CD86: variants seen among roughly 807,000 people sequenced by gnomAD.
The protein encoded by CD86 is CD86 molecule, also known as T-lymphocyte activation antigen CD86.
A neutral mutation model predicts 32.1 loss-of-function variants in CD86; 11 were observed. That is an observed-to-expected ratio of 0.34 (90% CI 0.22 to 0.57). The LOEUF is 0.57. Ranked by LOEUF, CD86 falls within the 20% of genes least tolerant of loss-of-function variation. The probability of loss-of-function intolerance (pLI) is 0.86; values close to 1 mark genes in which losing one functional copy is unlikely to be tolerated. For missense variants in CD86, 359 were observed against 398.4 expected (o/e 0.90, Z 0.84); for synonymous variants, 137 against 135.3 (o/e 1.01, Z -0.09).
At chr3:122,061,010 C>T (rs2072325147) in intron 1 of CD86, among the ~76,000 whole-genome samples, 1 of 152,194 alleles carries the variant, frequency 6.6e-6, no homozygotes, top group Admixed American at 6.5e-5. Flanking sequence ...ATTAATCTTT[C>T]TGTAGTGGCA....
chr3:122,075,030 T>C (rs1263046161), intron 1 of CD86, among the ~76,000 whole-genome samples: 1 of 151,580 alleles, frequency 6.6e-6, no homozygotes, highest in Non-Finnish European at 1.5e-5. Context: ...GAATTTTGAT[T>C]GGCTGACTGC....
chr3:122,064,641 A>G (rs529853628), intron 1 of CD86, among the ~76,000 whole-genome samples: 2 of 152,302 alleles, frequency 1.3e-5, no homozygotes, highest in South Asian at 2.1e-4. Context: ...CTTATATTTC[A>G]AGAGGAGCCA....
chr3:122,077,149 C>G (rs1434232916), intron 1 of CD86, among the ~76,000 whole-genome samples: 1 of 152,180 alleles, frequency 6.6e-6, no homozygotes, highest in Non-Finnish European at 1.5e-5. Flanking sequence ...AAATGTCCCC[C>G]ACACTGAGCA....
intron 2 of CD86, among the ~76,000 whole-genome samples, chr3:122,098,468 A>G (rs966627537): frequency 6.6e-6 from 1 of 152,094 alleles, no homozygotes; most frequent in East Asian, 1.9e-4. Context: ...GAGGCCTGAT[A>G]GGTACTGGGG....
At chr3:122,113,002 C>T (rs940064232) in intron 5 of CD86, among the ~76,000 whole-genome samples, 2 of 152,040 alleles carry the variant, frequency 1.3e-5, no homozygotes, top group African/African-American at 4.8e-5. Context: ...ATCTCTCACC[C>T]CTCCCACTCT....
chr3:122,083,924 AT>A (rs1344148579), intron 1 of CD86, among the ~76,000 whole-genome samples: 1 of 152,168 alleles, frequency 6.6e-6, no homozygotes, highest in East Asian at 1.9e-4. Flanking sequence ...TTTCTTTTTA[AT>A]TTCTTTAATG....
chr3:122,058,334 G>A lies in CD86; in HGVS notation c.14+2831G>A, dbSNP rs140903957. 6.2e-4 allele frequency among the ~76,000 whole-genome samples: 95 copies of A among 152,304 alleles called. No homozygotes were observed. In the South Asian group the frequency reaches 0.011, roughly 18 times the overall value. On this transcript the variant is annotated intron_variant, in intron 1 of 6. Coordinates refer to ENST00000330540, the MANE Select transcript of CD86 (RefSeq NM_175862.5). Reference sequence around the variant, plus strand: ...ACAAGCAGTACCCAGGACAAGGCCAGCCTCCAGGGAGTGACTGATGACAGT... The same window carrying A: ...ACAAGCAGTACCCAGGACAAGGCCAACCTCCAGGGAGTGACTGATGACAGT...
intron 1 of CD86, 111 bp downstream of exon 1, chr3:122,055,614 G>A: frequency 3.1e-6 from 3 of 973,078 alleles, no homozygotes; most frequent in East Asian, 2.4e-5. Context: ...TTCCTAAGTG[G>A]AGAAGCTTTC....
chr3:122,081,815 C>G (rs1362869940), intron 1 of CD86, among the ~76,000 whole-genome samples: 1 of 152,180 alleles, frequency 6.6e-6, no homozygotes, highest in South Asian at 2.1e-4. Context: ...CCTGTCAAAG[C>G]TCAGCTCAAC....
intron 1 of CD86, among the ~76,000 whole-genome samples, chr3:122,075,068 A>G (rs755158896): frequency 3.9e-5 from 6 of 151,936 alleles, no homozygotes; most frequent in Non-Finnish European, 7.4e-5. Context: ...AAGATGGGGC[A>G]AGGGGGTTGC....
At chr3:122,082,097 C>T (rs1046127678) in intron 1 of CD86, among the ~76,000 whole-genome samples, 1 of 152,226 alleles carries the variant, frequency 6.6e-6, no homozygotes, top group Admixed American at 6.5e-5. Flanking sequence ...AGTTCAACCA[C>T]TTACTCAATT....
At chr3:122,057,905 C>T (rs2072262662) in intron 1 of CD86, among the ~76,000 whole-genome samples, 1 of 152,236 alleles carries the variant, frequency 6.6e-6, no homozygotes, top group African/African-American at 2.4e-5. Context: ...GAGGACAGTG[C>T]AGTGGCTAAG....
intron 1 of CD86, among the ~76,000 whole-genome samples, chr3:122,062,391 A>AT (rs35938587): frequency 5.6e-4 from 85 of 152,084 alleles, no homozygotes; most frequent in African/African-American, 1.8e-3. Context: ...TCCTTAGTAC[A>AT]TTTTTTTTCA....
intron 1 of CD86, among the ~76,000 whole-genome samples, chr3:122,080,162 C>T (rs2072611391): frequency 6.6e-6 from 1 of 152,190 alleles, no homozygotes; most frequent in Admixed American, 6.5e-5. Flanking sequence ...CCTTAGGGGA[C>T]CAGGATGGGC....
chr3:122,091,547 G>A (rs1056206106), intron 1 of CD86, 54 bp from the exon 2 acceptor site: 13 of 1,398,314 alleles, frequency 9.3e-6, no homozygotes, highest in East Asian at 4.6e-5. Context: ...GGTGAACATC[G>A]GTTTTCAGTT....
At position 122,120,519 on chromosome 3, in the gene CD86, A is replaced by G. The variant is rs1043364889; in HGVS notation, c.*985A>G. ...TGGATAGTCTGTCCAAATGGACATAAGACAGACAGCAGTTTCCCTGGTGGT... is the reference window on the plus strand; with the variant it reads ...TGGATAGTCTGTCCAAATGGACATAGGACAGACAGCAGTTTCCCTGGTGGT... On this transcript the variant is annotated 3_prime_UTR_variant, in exon 7 of 7. Coordinates refer to ENST00000330540, the MANE Select transcript of CD86 (RefSeq NM_175862.5). The G allele has an allele frequency of 6.6e-6, 1 of 152,264 alleles. No individual in the cohort carries two copies. The highest frequency in any genetic ancestry group is 1.5e-5 in the Non-Finnish European group (1 of 68,062). 9.4% of individuals were successfully genotyped at this position (152,264 alleles called of 1,614,324 possible).
Position 122,055,405 on chromosome 3 carries a change from C to A in CD86, c.-85C>A. ...CTTGCACAGGGTGAAAGCTTTGCTT[C>A]TCTGCTGCTGTAACAGGGACTAGCA... is the stretch of plus-strand genomic sequence containing the variant. On this transcript the variant is annotated 5_prime_UTR_variant, in exon 1 of 7. Transcript: ENST00000330540. 1 of 1,364,994 alleles carries A rather than the reference C, an allele frequency of 7.3e-7. No homozygotes were observed. The highest frequency in any genetic ancestry group is 1.0e-6 in the Non-Finnish European group (1 of 954,076). 84.6% of individuals were successfully genotyped at this position (1,364,994 alleles called of 1,614,324 possible). A position where few individuals can be genotyped will look rare whatever the true frequency, so the allele number is the denominator to read the frequency against.
At chr3:122,103,253 C>A (rs1434725619) in intron 2 of CD86, among the ~76,000 whole-genome samples, 1 of 151,932 alleles carries the variant, frequency 6.6e-6, no homozygotes, top group Non-Finnish European at 1.5e-5. Flanking sequence ...TAGTCAACCA[C>A]TTCATTAATC....
intron 6 of CD86, among the ~76,000 whole-genome samples, chr3:122,119,057 A>T (rs1433109883): frequency 6.6e-6 from 1 of 152,120 alleles, no homozygotes; most frequent in African/African-American, 2.4e-5. Flanking sequence ...ACTAATCCAG[A>T]TATACCAGCC....
Sources: gnomAD v4.1 joint callset for allele counts (sites outside exome capture counted in the v4.1 genomes callset) on GRCh38, gnomAD v4.1.1 for gene constraint, MANE v1.5 for transcripts, NCBI Gene and HGNC (gene_info 2026-07-23, HGNC 2026-07-21) for gene names.